Variants in TRPM2 observed in about 807,000 individuals in gnomAD.
The protein encoded by TRPM2 is estrogen-responsive element-associated gene 1 protein.
In TRPM2, 161 loss-of-function variants were observed where a neutral mutation model predicts 174.0. That is an observed-to-expected ratio of 0.93 (90% CI 0.81 to 1.05). The LOEUF is 1.05. Among genes scored for constraint, TRPM2 ranks in the 50% least tolerant of loss-of-function variants. TRPM2 has a pLI of 0.00. For synonymous variants in TRPM2, 954 were observed against 861.3 expected, an observed-to-expected ratio of 1.11 and a Z score of -1.88; for missense variants, 2,057 against 2,038.0, an observed-to-expected ratio of 1.01 and a Z score of -0.18.
chr21:44,418,451 G>A lies in TRPM2; in HGVS notation c.3357G>A (p.Ala1119=), dbSNP rs140145141. Residue 1119 remains alanine, a synonymous_variant, in exon 22 of 32, where the codon GCG becomes GCA. Coordinates refer to ENST00000397928, the MANE Select transcript of TRPM2 (RefSeq NM_003307.4). Reference sequence around the variant, plus strand: ...ACAAGCTGGAGAAGAACGAGGAGGCGGCCCTGCTATCCTGGGAGATCTACC... The same window carrying A: ...ACAAGCTGGAGAAGAACGAGGAGGCAGCCCTGCTATCCTGGGAGATCTACC... The part of the protein sequence containing the change: ...LKNKLEKNEE[A]ALLSWEIYLK... 12 of 1,613,966 alleles carry A rather than the reference G, an allele frequency of 7.4e-6. No individual in the cohort carries two copies. In the East Asian group the frequency reaches 8.9e-5, roughly 12 times the overall value.
intron 2 of TRPM2, among the ~76,000 whole-genome samples, chr21:44,359,130 CTTGGTCCATTTTACAGTGTGCTGA>C (rs1477628442): frequency 1.3e-5 from 2 of 151,848 alleles, no homozygotes; most frequent in African/African-American, 2.4e-5. Context: ...CAGAGCACTG[CTTGGTCCATTTTACAGTGTGCTGA>C]TTGGTCCATT....
In TRPM2 at chr21:44,376,669, G is replaced by A. The variant is rs1456172847; in HGVS notation, c.952+656G>A. 8.5e-5 allele frequency among the ~76,000 whole-genome samples: 13 copies of A among 152,310 alleles called. No homozygotes were observed. The South Asian group carries it at 1.7e-3, about 19-fold the overall frequency. ...GGTGGGATGGGATGGGTTTGAGGACGTCGGGAGGTCAAGTGCGGGGTTTTG... is the reference window on the plus strand; with the variant it reads ...GGTGGGATGGGATGGGTTTGAGGACATCGGGAGGTCAAGTGCGGGGTTTTG... On this transcript the variant is annotated intron_variant, in intron 6 of 31. Coordinates refer to ENST00000397928, the MANE Select transcript of TRPM2 (RefSeq NM_003307.4). This position sits in a 1 kb window ranked among gnomAD's most constrained non-coding sequence, Gnocchi z 4.2.
chr21:44,423,593 C>T, intron 22 of TRPM2, 52 bp from the exon 23 acceptor site: 3 of 1,528,414 alleles, frequency 2.0e-6, no homozygotes, highest in Admixed American at 3.7e-5. Flanking sequence ...GTGTGGCGTT[C>T]CCAGGGCCCC....
chr21:44,440,438 TCC>T (rs1393037150), intron 30 of TRPM2, among the ~76,000 whole-genome samples: 1 of 149,702 alleles, frequency 6.7e-6, no homozygotes, highest in African/African-American at 2.4e-5. Flanking sequence ...TCCCCAGCAC[TCC>T]CGCATCTGCT....
intron 2 of TRPM2, among the ~76,000 whole-genome samples, chr21:44,360,194 G>T (rs2048172249): frequency 1.3e-5 from 2 of 152,164 alleles, no homozygotes; most frequent in South Asian, 4.1e-4. Context: ...AGCAAAAAAA[G>T]ACTTCAACCC....
chr21:44,355,019 A>C (rs73374050), intron 2 of TRPM2, among the ~76,000 whole-genome samples: 6,244 of 152,308 alleles, frequency 0.041, 425 homozygotes, highest in African/African-American at 0.14. Flanking sequence ...GGCGAGGCCC[A>C]GTGGTGTGAA....
At chr21:44,417,759 GA>G in intron 20 of TRPM2, among the ~76,000 whole-genome samples, 167 bp from the exon 21 acceptor site, 1 of 146,746 alleles carries the variant, frequency 6.8e-6, no homozygotes, top group Non-Finnish European at 1.5e-5. Context: ...TGCTCTCTGT[GA>G]CATCACAGTG....
At chr21:44,400,791 G>A (rs1017863158) in intron 15 of TRPM2, among the ~76,000 whole-genome samples, 3 of 152,222 alleles carry the variant, frequency 2.0e-5, no homozygotes, top group Non-Finnish European at 2.9e-5. Context: ...TGATGGAATC[G>A]CTTTCCCTTA....
At chr21:44,389,132 G>A (rs2049099948) in intron 9 of TRPM2, among the ~76,000 whole-genome samples, 1 of 152,152 alleles carries the variant, frequency 6.6e-6, no homozygotes, top group African/African-American at 2.4e-5. Flanking sequence ...TGTCACTCTA[G>A]ATTAGTTTTG....
rs1014136474 is a variant in TRPM2, at chr21:44,367,389, G to A, written c.604+455G>A. On this transcript the variant is annotated intron_variant, in intron 4 of 31. Transcript: ENST00000397928. The surrounding 1 kb of genome is among the most constrained non-coding windows in gnomAD (Gnocchi z 4.6). The stretch of plus-strand genomic sequence containing the variant: ...CCCAGTCATCAAGCTTTCCATTATC[G>A]TGTTTTTCCATCAAAATCAGGGAAG... Among the ~76,000 whole-genome samples the A allele has an allele frequency of 2.0e-5, 3 of 152,210 alleles. No homozygotes were observed. The highest frequency in any genetic ancestry group is 6.5e-5 in the Admixed American group (1 of 15,284).
rs770907591 is a variant in TRPM2, at chr21:44,391,484, C to G, written c.1653C>G (p.Pro551=). 1.6e-5 allele frequency: 25 copies of G among 1,589,184 alleles called. No individual in the cohort carries two copies. The highest frequency in any genetic ancestry group is 7.0e-5 in the Admixed American group (4 of 56,970). ...VEDPERPACA[P]AAPRLQMHHV... ...ATCCCGAGCGCCCGGCTTGCGCGCC[C>G]GCGGCGCCCCGCCTGCAGATGCACC... The change falls in exon 11 of 32, where the codon CCC becomes CCG. Residue 551 remains proline, a synonymous_variant. Coordinates refer to ENST00000397928, the MANE Select transcript of TRPM2 (RefSeq NM_003307.4). The surrounding 1 kb of genome is among the most constrained non-coding windows in gnomAD (Gnocchi z 5.0).
intron 11 of TRPM2, among the ~76,000 whole-genome samples, chr21:44,392,378 C>T (rs2049207197): frequency 6.6e-6 from 1 of 151,848 alleles, no homozygotes; most frequent in Admixed American, 6.6e-5. Context: ...CTGCCTCCGT[C>T]TCTTGAGTAG....
chr21:44,371,757 T>G (rs1382419094), intron 5 of TRPM2, among the ~76,000 whole-genome samples: 2 of 152,144 alleles, frequency 1.3e-5, no homozygotes, highest in Non-Finnish European at 2.9e-5. Flanking sequence ...TGTCTTTGGG[T>G]GGCCATGATT....
chr21:44,407,110 T>C (rs1383806918), intron 19 of TRPM2, among the ~76,000 whole-genome samples: 4 of 30,340 alleles, frequency 1.3e-4, no homozygotes, highest in Non-Finnish European at 1.5e-4. Flanking sequence ...AACTTCCTTC[T>C]TCTCTTGATG....
chr21:44,409,834 G>A (rs965187576), intron 19 of TRPM2, among the ~76,000 whole-genome samples: 6 of 143,124 alleles, frequency 4.2e-5, no homozygotes, highest in African/African-American at 1.0e-4. Flanking sequence ...CTTGGTGAGC[G>A]TAGCCTTGTA....
At chr21:44,350,145 C>A (rs1228917824), upstream of TRPM2, 3 of 152,294 alleles carry the variant, frequency 2.0e-5, no homozygotes, top group Non-Finnish European at 4.4e-5. Flanking sequence ...TGACGCAGAG[C>A]GCTGCGGGCG....
chr21:44,364,586 A>G (rs1230725235), intron 3 of TRPM2, among the ~76,000 whole-genome samples: 1 of 151,616 alleles, frequency 6.6e-6, no homozygotes, highest in Non-Finnish European at 1.5e-5. Context: ...GGCATTTGTC[A>G]GGGCCTGGGA....
At position 44,368,436 on chromosome 21, in the gene TRPM2, T is replaced by A. The variant is rs147171517; in HGVS notation, c.605-741T>A. Among the ~76,000 whole-genome samples, 712 of 148,426 alleles carry A rather than the reference T, an allele frequency of 4.8e-3. 7 individuals carry two copies. The highest frequency in any genetic ancestry group is 0.016 in the African/African-American group (661 of 40,092). On this transcript the variant is annotated intron_variant, in intron 4 of 31. Coordinates refer to ENST00000397928, the MANE Select transcript of TRPM2 (RefSeq NM_003307.4). ...GGCTGTTTTTTTTATTTTTTTGTTT[T>A]TTTTTTGGAGTTGGAGTCTTGCTCT...
rs1277628237 is a variant in TRPM2, at chr21:44,418,012, C to T, written c.3232C>T (p.Pro1078Ser). ...CCTGATCGAGGAGTACCACGGCCGC[C>T]CCGCCGCGCCGCCCCCCTTCATCCT... is the stretch of plus-strand genomic sequence containing the variant. Reference protein sequence around the residue: ...HDLIEEYHGRPAAPPPFILLS... With the variant: ...HDLIEEYHGRSAAPPPFILLS... The change falls in exon 21 of 32, where the codon CCC becomes TCC. Residue 1078 changes from proline (P) to serine (S), a missense_variant. Coordinates refer to ENST00000397928, the MANE Select transcript of TRPM2 (RefSeq NM_003307.4). The T allele has an allele frequency of 3.1e-6, 5 of 1,613,010 alleles. No homozygotes were observed. Among genetic ancestry groups the T allele is most frequent in the South Asian group, 1.1e-5 (1 of 91,088 alleles).
Sources: gnomAD v4.1 joint callset for allele counts (sites outside exome capture counted in the v4.1 genomes callset) on GRCh38, gnomAD v4.1.1 for gene constraint, Gnocchi (gnomAD v3.1) non-coding constraint, MANE v1.5 for transcripts, NCBI Gene and HGNC (gene_info 2026-07-23, HGNC 2026-07-21) for gene names.